Variants in SLC9A9 observed in about 807,000 individuals in gnomAD.
SLC9A9 encodes the protein sodium/hydrogen exchanger 9.
A neutral mutation model predicts 77.8 loss-of-function variants in SLC9A9; 62 were observed. The observed-to-expected ratio is 0.80, with a 90% confidence interval of 0.65 to 0.98. The LOEUF (loss-of-function observed/expected upper bound fraction) is 0.98, where lower values mean the gene tolerates loss of function less well. SLC9A9 is among the 50% of genes least tolerant of loss of function. The pLI, the probability that SLC9A9 is intolerant of heterozygous loss-of-function variation, is 0.00. For synonymous variants in SLC9A9, 320 were observed against 283.5 expected (o/e 1.13, Z -1.29); for missense variants, 775 against 774.9 (o/e 1.00, Z 0.00).
chr3:143,533,379 A>G (rs2036545021), intron 9 of SLC9A9, among the ~76,000 whole-genome samples: 1 of 152,206 alleles, frequency 6.6e-6, no homozygotes, highest in Admixed American at 6.5e-5. Context: ...TGACCTCAAG[A>G]CACACAGGAT....
chr3:143,504,187 A>G lies in SLC9A9; in HGVS notation c.1090-8739T>C, dbSNP rs12497681. The G allele has an allele frequency of 3.7e-3, 1,210 of 326,530 alleles. 31 individuals carry two copies. The highest frequency in any genetic ancestry group is 0.036 in the Admixed American group (1,076 of 29,704). 20.2% of individuals were successfully genotyped at this position (326,530 alleles called of 1,614,324 possible). The stretch of plus-strand genomic sequence containing the variant: ...GAGGGGGGTTGTTGATGGCAGCAAT[A>G]TCCACTTTGCTAGATTTAAAAGCAG... On this transcript the variant is annotated intron_variant, in intron 9 of 15. Transcript: ENST00000316549.
chr3:143,293,597 G>C (rs2030115096), intron 14 of SLC9A9, among the ~76,000 whole-genome samples: 1 of 152,138 alleles, frequency 6.6e-6, no homozygotes, highest in East Asian at 1.9e-4. Context: ...CTGAGGACTG[G>C]GTATTATTGT....
At position 143,790,785 on chromosome 3, in the gene SLC9A9, T is replaced by G. The variant is rs560442235; in HGVS notation, c.533+4216A>C. On this transcript the variant is annotated intron_variant, in intron 4 of 15. Transcript: ENST00000316549. ...AGTGTCTGGCACATGGAAAGAAAAT[T>G]TTTAAATGAGGTATTCTTAAAATTA... 2.3e-3 allele frequency among the ~76,000 whole-genome samples: 349 copies of G among 152,312 alleles called. 3 individuals are homozygous for G. The highest frequency in any genetic ancestry group is 8.0e-3 in the African/African-American group (331 of 41,572).
chr3:143,564,516 T>G (rs893048161), intron 8 of SLC9A9, among the ~76,000 whole-genome samples: 7 of 152,192 alleles, frequency 4.6e-5, no homozygotes, highest in African/African-American at 1.7e-4. Flanking sequence ...CACTTTTATT[T>G]ATTTTTGATC....
chr3:143,799,858 C>T (rs2008501096), intron 2 of SLC9A9, among the ~76,000 whole-genome samples: 1 of 152,170 alleles, frequency 6.6e-6, no homozygotes, highest in Non-Finnish European at 1.5e-5. Context: ...CATTTTTAAT[C>T]AATACAGAGG....
At chr3:143,465,902 C>T (rs886097546) in intron 12 of SLC9A9, among the ~76,000 whole-genome samples, 8 of 152,212 alleles carry the variant, frequency 5.3e-5, no homozygotes, top group African/African-American at 1.9e-4. Flanking sequence ...GCAATATTCT[C>T]AGTACTTCAG....
intron 9 of SLC9A9, among the ~76,000 whole-genome samples, chr3:143,530,674 CAAAA>C (rs77309463): frequency 8.2e-6 from 1 of 122,308 alleles, no homozygotes; most frequent in Non-Finnish European, 2.0e-5. Flanking sequence ...AACAAACAAA[CAAAA>C]ACCAAAAACA....
chr3:143,429,663 T>C (rs569272190), intron 12 of SLC9A9, among the ~76,000 whole-genome samples: 17 of 152,322 alleles, frequency 1.1e-4, no homozygotes, highest in African/African-American at 3.8e-4. Flanking sequence ...GCACATCAGA[T>C]ACCTGCTTGC....
rs577656460 is a variant in SLC9A9, at chr3:143,432,536, A to G, written c.1469+34501T>C. 7.2e-5 allele frequency among the ~76,000 whole-genome samples: 11 copies of G among 152,334 alleles called. No homozygotes were observed. In the South Asian group the frequency reaches 2.3e-3, roughly 32 times the overall value. ...ACAGTTCCAGGGTTTGGAGAGCTTTACCGAGAAAAGGTTGTTAAAACAAGC... is the reference window on the plus strand; with the variant it reads ...ACAGTTCCAGGGTTTGGAGAGCTTTGCCGAGAAAAGGTTGTTAAAACAAGC... On this transcript the variant is annotated intron_variant, in intron 12 of 15. Coordinates refer to ENST00000316549, the MANE Select transcript of SLC9A9 (RefSeq NM_173653.4).
At chr3:143,574,940 A>C (rs1259365879) in intron 7 of SLC9A9, among the ~76,000 whole-genome samples, 1 of 152,202 alleles carries the variant, frequency 6.6e-6, no homozygotes, top group African/African-American at 2.4e-5. Context: ...AATATTAGGC[A>C]CAAAATGCCC....
intron 6 of SLC9A9, among the ~76,000 whole-genome samples, chr3:143,612,401 C>A (rs2038037296): frequency 6.6e-6 from 1 of 152,196 alleles, no homozygotes; most frequent in African/African-American, 2.4e-5. Context: ...CTCTCTCTCA[C>A]TTGTGGGATA....
intron 4 of SLC9A9, among the ~76,000 whole-genome samples, chr3:143,730,488 T>C (rs1934772342): frequency 6.6e-6 from 1 of 152,232 alleles, no homozygotes; most frequent in Admixed American, 6.5e-5. Flanking sequence ...TCCTACTGCC[T>C]AGAACATCCT....
intron 6 of SLC9A9, among the ~76,000 whole-genome samples, chr3:143,610,970 T>C (rs1247813413): frequency 2.0e-5 from 3 of 151,362 alleles, no homozygotes; most frequent in Non-Finnish European, 4.4e-5. Context: ...AAAAACAGAA[T>C]CAAAAGGACC....
At chr3:143,732,352 T>A (rs1199499329) in intron 4 of SLC9A9, among the ~76,000 whole-genome samples, 1 of 152,230 alleles carries the variant, frequency 6.6e-6, no homozygotes, top group Admixed American at 6.5e-5. Flanking sequence ...TAATCTATGA[T>A]CTAATCATGG....
intron 4 of SLC9A9, among the ~76,000 whole-genome samples, chr3:143,794,149 A>C (rs922617823): frequency 6.6e-6 from 1 of 152,184 alleles, no homozygotes; most frequent in African/African-American, 2.4e-5. Context: ...GCCTCAATTG[A>C]CACACACTAG....
At chr3:143,394,243 G>A (rs2033643331) in intron 12 of SLC9A9, among the ~76,000 whole-genome samples, 1 of 152,164 alleles carries the variant, frequency 6.6e-6, no homozygotes, top group South Asian at 2.1e-4. Flanking sequence ...ACATCAAAAA[G>A]CTTATCCACC....
At chr3:143,682,224 A>C (rs932250959) in intron 5 of SLC9A9, among the ~76,000 whole-genome samples, 1 of 152,174 alleles carries the variant, frequency 6.6e-6, no homozygotes, top group African/African-American at 2.4e-5. Context: ...TAAAGTCACT[A>C]CTTTCCCAGA....
At chr3:143,280,161 G>A (rs897276662) in intron 14 of SLC9A9, among the ~76,000 whole-genome samples, 3 of 151,056 alleles carry the variant, frequency 2.0e-5, no homozygotes, top group African/African-American at 7.4e-5. Context: ...CGGTCCCTGG[G>A]TGTTCTTGAG....
At chr3:143,798,073 C>T (rs1297445643) in intron 2 of SLC9A9, among the ~76,000 whole-genome samples, 2 of 152,196 alleles carry the variant, frequency 1.3e-5, no homozygotes, top group Non-Finnish European at 2.9e-5. Context: ...AACATCTCAC[C>T]AATTTTAAAT....
Sources: gnomAD v4.1 joint callset for allele counts (sites outside exome capture counted in the v4.1 genomes callset) on GRCh38, gnomAD v4.1.1 for gene constraint, MANE v1.5 for transcripts, NCBI Gene and HGNC (gene_info 2026-07-23, HGNC 2026-07-21) for gene names.